Variants in MIER1 observed in about 807,000 individuals in gnomAD.
MIER1 encodes the protein mesoderm induction early response protein 1.
Under a neutral mutation model 75.7 loss-of-function variants are expected in MIER1, and 40 were observed. The observed-to-expected ratio is 0.53, with a 90% CI of 0.41 to 0.69. The LOEUF is 0.69. Ranked by LOEUF, MIER1 falls within the 30% of genes least tolerant of loss-of-function variation. MIER1 has a pLI of 0.00. For synonymous variants in MIER1, 213 were observed against 223.4 expected (o/e 0.95, Z 0.42); for missense variants, 574 against 680.2 (o/e 0.84, Z 1.74).
chr1:66,943,911 G>A (rs768587778), intron 3 of MIER1, among the ~76,000 whole-genome samples: 14 of 152,124 alleles, frequency 9.2e-5, no homozygotes, highest in Admixed American at 9.2e-4. Context: ...GTATACCCAG[G>A]ATTCAAATTC....
rs1004887586 is a variant in MIER1, at chr1:66,971,814, CTAAACTTAA to C, written c.1006+82_1006+90del. ...GCTTTTCAGTTTACCTAGGTATAGCCTAAACTTAATAATACTGATTTTTCTGAGTTTGAT... is the reference window on the plus strand; with the variant it reads ...GCTTTTCAGTTTACCTAGGTATAGCCTAATACTGATTTTTCTGAGTTTGAT... On this transcript the variant is annotated intron_variant, in intron 10 of 13. Coordinates refer to ENST00000401041, the MANE Select transcript of MIER1 (RefSeq NM_001077700.3). 8.7e-6 allele frequency: 6 copies of C among 692,426 alleles called. No individual in the cohort carries two copies. In the African/African-American group the frequency reaches 1.1e-4, roughly 13 times the overall value. 42.9% of individuals were successfully genotyped at this position (692,426 alleles called of 1,614,324 possible).
At chr1:66,962,830 TTC>T (rs1185614499) in intron 7 of MIER1, among the ~76,000 whole-genome samples, 8 of 150,462 alleles carry the variant, frequency 5.3e-5, no homozygotes, top group African/African-American at 2.0e-4. Context: ...CAGAATTCAC[TTC>T]TTTGTCTCTA....
At position 66,985,280 on chromosome 1, in the gene MIER1, T is replaced by G. The variant is rs1471443296; in HGVS notation, c.*380T>G. 12 of 983,906 alleles carry G rather than the reference T, an allele frequency of 1.2e-5. No individual in the cohort carries two copies. The highest frequency in any genetic ancestry group is 1.1e-5 in the Non-Finnish European group (9 of 828,460). 60.9% of individuals were successfully genotyped at this position (983,906 alleles called of 1,614,324 possible). On this transcript the variant is annotated 3_prime_UTR_variant, in exon 14 of 14. Transcript: ENST00000401041. ...CACTACAAGGTAATTTTTGCTTAGT[T>G]TGATGGATGAATGGGAAACTCAAGT...
At chr1:66,958,310 A>ATATTT (rs1264871751) in intron 5 of MIER1, 90 bp downstream of exon 5, 1 of 571,642 alleles carries the variant, frequency 1.7e-6, no homozygotes, top group Admixed American at 4.5e-5. Flanking sequence ...TGTCTTTATA[A>ATATTT]TCTTTTCCTG....
At chr1:66,964,308 CGTG>C (rs1661891119) in intron 8 of MIER1, among the ~76,000 whole-genome samples, 2 of 151,690 alleles carry the variant, frequency 1.3e-5, no homozygotes, top group Admixed American at 1.3e-4. Flanking sequence ...CTCCTCACCT[CGTG>C]ATCCGCCTGC....
chr1:66,931,537 G>A (rs1347641644), intron 2 of MIER1, among the ~76,000 whole-genome samples: 3 of 152,128 alleles, frequency 2.0e-5, no homozygotes, highest in Non-Finnish European at 4.4e-5. Flanking sequence ...AGGAGGGTGA[G>A]ATTTTGCTGT....
rs761884690 is a variant in MIER1 at position 66,986,378 on chromosome 1, AATT to A, written c.*1482_*1484del. On this transcript the variant is annotated 3_prime_UTR_variant, in exon 14 of 14. Coordinates refer to ENST00000401041, the MANE Select transcript of MIER1 (RefSeq NM_001077700.3). The stretch of plus-strand genomic sequence containing the variant: ...TATATCCAAACTTTTATAAAATATT[AATT>A]ATTCTTGTTTTTCTCACACAGGCAT... The A allele has an allele frequency of 9.2e-5, 148 of 1,606,174 alleles. 1 individual carries two copies. In the South Asian group the frequency reaches 1.5e-3, roughly 16 times the overall value.
chr1:66,970,626 T>G (rs1460709483), intron 8 of MIER1, among the ~76,000 whole-genome samples, 182 bp from the exon 9 acceptor site: 1 of 152,170 alleles, frequency 6.6e-6, no homozygotes. Context: ...TCCTCTCTGT[T>G]TAAATTGTTT....
rs1666654251 is a variant in MIER1, at chr1:66,985,410, A to T, written c.*510A>T. The T allele has an allele frequency of 1.0e-6, 1 of 983,514 alleles. No homozygotes were observed. The highest frequency in any genetic ancestry group is 1.2e-6 in the Non-Finnish European group (1 of 828,074). 60.9% of individuals were successfully genotyped at this position (983,514 alleles called of 1,614,324 possible). On this transcript the variant is annotated 3_prime_UTR_variant, in exon 14 of 14. Coordinates refer to ENST00000401041, the MANE Select transcript of MIER1 (RefSeq NM_001077700.3). ...GAGTATCTTTATTAAGGAAACCCTT[A>T]CGAATCCTGAAAATTATGCTAGCAT...
At position 66,987,824 on chromosome 1, in the gene MIER1, G is replaced by C. The variant is rs552016209; in HGVS notation, c.*2924G>C. ...AGACATATTGCACTACTTTTTCAGT[G>C]GTTCTTGGTCCCCTTTACCACATCT... is the stretch of plus-strand genomic sequence containing the variant. On this transcript the variant is annotated 3_prime_UTR_variant, in exon 14 of 14. Coordinates refer to ENST00000401041, the MANE Select transcript of MIER1 (RefSeq NM_001077700.3). 6.6e-6 allele frequency: 1 copy of C among 152,164 alleles called. No individual in the cohort carries two copies. The highest frequency in any genetic ancestry group is 1.5e-5 in the Non-Finnish European group (1 of 67,942). The allele number at this position is 152,164 out of a possible 1,614,324, so 9.4% of individuals were successfully genotyped here.
rs1667052036 is a variant in MIER1, at chr1:66,988,447, A to G, written c.*3547A>G. The G allele has an allele frequency of 6.6e-6, 1 of 152,294 alleles. No individual in the cohort carries two copies. The highest frequency in any genetic ancestry group is 1.5e-5 in the Non-Finnish European group (1 of 68,012). The allele number at this position is 152,294 out of a possible 1,614,324, so 9.4% of individuals were successfully genotyped here. A position where few individuals can be genotyped will look rare whatever the true frequency, so the allele number is the denominator to read the frequency against. On this transcript the variant is annotated 3_prime_UTR_variant, in exon 14 of 14. Coordinates refer to ENST00000401041, the MANE Select transcript of MIER1 (RefSeq NM_001077700.3). ...AATATCTGATTAACCTTTCTTTTCTAATACCAGTTTTCCATAAACTCTTGT... is the reference window on the plus strand; with the variant it reads ...AATATCTGATTAACCTTTCTTTTCTGATACCAGTTTTCCATAAACTCTTGT...
intron 4 of MIER1, among the ~76,000 whole-genome samples, chr1:66,950,751 A>G (rs1658742407): frequency 6.6e-6 from 1 of 151,644 alleles, no homozygotes; most frequent in African/African-American, 2.4e-5. Context: ...TGTGAGGATT[A>G]TAAAGAAGAG....
chr1:66,939,952 T>C (rs1263039198), intron 2 of MIER1, 76 bp from the exon 3 acceptor site: 4 of 1,175,836 alleles, frequency 3.4e-6, no homozygotes, highest in East Asian at 2.4e-5. Context: ...ATAGTAGTCA[T>C]TGAATAATTT....
At chr1:66,970,252 T>C (rs2101865947) in intron 8 of MIER1, among the ~76,000 whole-genome samples, 1 of 152,288 alleles carries the variant, frequency 6.6e-6, no homozygotes, top group Non-Finnish European at 1.5e-5. Flanking sequence ...TTTATATACA[T>C]TATACAACTC....
In MIER1 at chr1:66,981,759, A is replaced by T; in HGVS notation, c.1230-20A>T. 1.3e-5 allele frequency: 21 copies of T among 1,560,548 alleles called. No individual in the cohort carries two copies. The highest frequency in any genetic ancestry group is 1.8e-5 in the Non-Finnish European group (21 of 1,155,146). On this transcript the variant is annotated intron_variant, in intron 12 of 13. Transcript: ENST00000401041. ...ATTTTCAGCTCTTTTTAATATAAAA[A>T]TTGTTTTATTAATTTTAAGGGATTA... is the stretch of plus-strand genomic sequence containing the variant.
chr1:66,976,774 C>A (rs748015139), intron 12 of MIER1, 52 bp downstream of exon 12: 2 of 1,392,018 alleles, frequency 1.4e-6, no homozygotes, highest in African/African-American at 2.9e-5. Context: ...CTAAGCTTTT[C>A]TAGATTTTTC....
chr1:66,980,965 T>G (rs1018612146), intron 12 of MIER1, among the ~76,000 whole-genome samples: 1 of 152,192 alleles, frequency 6.6e-6, no homozygotes, highest in African/African-American at 2.4e-5. Context: ...ATACTTTATT[T>G]ACAAAAAACA....
chr1:66,956,537 G>T (rs1041201854), intron 4 of MIER1, among the ~76,000 whole-genome samples: 1 of 152,168 alleles, frequency 6.6e-6, no homozygotes, highest in African/African-American at 2.4e-5. Flanking sequence ...TCCTGTACCA[G>T]ATTCTTGGTA....
At chr1:66,950,120 T>C (rs1263743203) in intron 4 of MIER1, among the ~76,000 whole-genome samples, 1 of 152,120 alleles carries the variant, frequency 6.6e-6, no homozygotes, top group Non-Finnish European at 1.5e-5. Context: ...TTTTGTTTTG[T>C]TTTTTTGAGA....
Sources: allele counts gnomAD v4.1 joint callset (sites outside exome capture counted in the v4.1 genomes callset), GRCh38; gene constraint gnomAD v4.1.1; transcripts MANE v1.5; gene names NCBI Gene and HGNC (gene_info 2026-07-23, HGNC 2026-07-21).